DHRS4L2: variants seen among roughly 807,000 people sequenced by gnomAD.
The protein encoded by DHRS4L2 is dehydrogenase/reductase 4 like 2, also known as dehydrogenase/reductase SDR family member 4-like 2.
Under a neutral mutation model 23.9 loss-of-function variants are expected in DHRS4L2, and 22 were observed. The observed-to-expected ratio is 0.92, with a 90% CI of 0.66 to 1.31. The LOEUF is 1.31. Ranked by LOEUF, DHRS4L2 falls within the 40% of genes most tolerant of loss-of-function variation. The pLI, the probability that DHRS4L2 is intolerant of heterozygous loss-of-function variation, is 0.00. For synonymous variants in DHRS4L2, 141 were observed against 123.7 expected (o/e 1.14, Z -0.93); for missense variants, 385 against 303.3 (o/e 1.27, Z -2.00).
At chr14:23,987,588 C>G (rs1255499520), upstream of DHRS4L2, among the ~76,000 whole-genome samples, 1 of 151,712 alleles carries the variant, frequency 6.6e-6, no homozygotes, top group Non-Finnish European at 1.5e-5. Flanking sequence ...GGCTGCCAAA[C>G]TGGTGATTTC....
chr14:23,998,783 GC>G (rs1214693449), intron 3 of DHRS4L2, among the ~76,000 whole-genome samples: 2 of 149,338 alleles, frequency 1.3e-5, no homozygotes, highest in African/African-American at 4.9e-5. Flanking sequence ...AACCTCTTTT[GC>G]TTTCTTATCA....
At chr14:24,000,027 T>A (rs2034456725) in intron 3 of DHRS4L2, among the ~76,000 whole-genome samples, 1 of 140,354 alleles carries the variant, frequency 7.1e-6, no homozygotes, top group East Asian at 2.0e-4. Flanking sequence ...TACATTTTTT[T>A]ATTTTTGTTC....
chr14:23,982,005 G>C (rs551406548), intron 1 of DHRS4L2, among the ~76,000 whole-genome samples: 3 of 151,698 alleles, frequency 2.0e-5, no homozygotes, highest in South Asian at 2.1e-4. Flanking sequence ...GGAGACAGTG[G>C]CCTTCCTCTA....
At chr14:23,999,330 G>A (rs1214955641) in intron 3 of DHRS4L2, among the ~76,000 whole-genome samples, 2 of 98,980 alleles carry the variant, frequency 2.0e-5, no homozygotes, top group East Asian at 3.0e-4. Flanking sequence ...GGGTTGCCAC[G>A]AAACTCCAAT....
intron 1 of DHRS4L2, among the ~76,000 whole-genome samples, chr14:23,975,018 C>T (rs1463150340): frequency 2.6e-5 from 4 of 151,702 alleles, no homozygotes; most frequent in Non-Finnish European, 2.9e-5. Flanking sequence ...ACTGGCAAAC[C>T]GAATCCAGCA....
chr14:23,977,681 T>C (rs886177685), intron 1 of DHRS4L2, among the ~76,000 whole-genome samples: 11 of 151,754 alleles, frequency 7.2e-5, no homozygotes, highest in African/African-American at 2.4e-4. Flanking sequence ...ACTAGCTTTC[T>C]TATTTTTCTT....
intron 1 of DHRS4L2, among the ~76,000 whole-genome samples, chr14:23,976,884 CATAAGT>C: frequency 6.6e-6 from 1 of 151,822 alleles, no homozygotes; most frequent in South Asian, 2.1e-4. Context: ...TCTTCTCACT[CATAAGT>C]GGAAGTGGAA....
At chr14:23,986,596 G>T (rs1205869407), upstream of DHRS4L2, among the ~76,000 whole-genome samples, 1 of 151,430 alleles carries the variant, frequency 6.6e-6, no homozygotes, top group Non-Finnish European at 1.5e-5. Context: ...GCCATGTGTT[G>T]TTCACCAAGC....
chr14:23,975,295 CAG>C (rs2033945152), intron 1 of DHRS4L2, among the ~76,000 whole-genome samples: 2 of 151,410 alleles, frequency 1.3e-5, no homozygotes, highest in Non-Finnish European at 2.9e-5. Context: ...AAATAATAGA[CAG>C]AGAGCCAAAT....
chr14:23,971,851 C>T (rs1420097840), intron 1 of DHRS4L2, among the ~76,000 whole-genome samples: 7 of 152,130 alleles, frequency 4.6e-5, no homozygotes, highest in Admixed American at 2.6e-4. Context: ...TGGAAAGGAA[C>T]AACGGGTACC....
rs1301354519 is a variant in DHRS4L2 at position 24,004,229 on chromosome 14, A to C, written c.666-108A>C. On this transcript the variant is annotated intron_variant, in intron 6 of 7. Coordinates refer to ENST00000335125, the MANE Select transcript of DHRS4L2 (RefSeq NM_198083.4). ...GTTTGCAGTGAGCCAAGATAGCGCC[A>C]CTACAGTCCGGCCTGGGCAAAAGAG... The C allele has an allele frequency of 1.3e-4, 173 of 1,377,488 alleles. 4 individuals carry two copies. In the East Asian group the frequency reaches 4.0e-3, roughly 32 times the overall value. The allele number at this position is 1,377,488 out of a possible 1,614,324, so 85.3% of individuals were successfully genotyped here.
chr14:23,983,636 G>A (rs2034090530), intron 1 of DHRS4L2, among the ~76,000 whole-genome samples: 1 of 151,678 alleles, frequency 6.6e-6, no homozygotes. Flanking sequence ...CAACCCAAAT[G>A]CCCATCAATG....
chr14:23,970,000 C>A (rs141737044), exon 1 of DHRS4L2: 3 of 454,410 alleles, frequency 6.6e-6, no homozygotes, highest in Admixed American at 4.7e-5. Context: ...CCTCACCGCC[C>A]GGGCTTTACT....
At position 24,004,400 on chromosome 14, in the gene DHRS4L2, G is replaced by T. The variant is rs1435086053; in HGVS notation, c.*22+8G>T. ...AACCCTGCGGATAAGAAGGTAAACTGTCATGAGGGCAAGGGCACTAAGAGA... is the reference window on the plus strand; with the variant it reads ...AACCCTGCGGATAAGAAGGTAAACTTTCATGAGGGCAAGGGCACTAAGAGA... On this transcript the variant is annotated splice_region_variant and intron_variant, in intron 7 of 7. Coordinates refer to ENST00000335125, the MANE Select transcript of DHRS4L2 (RefSeq NM_198083.4). 9 of 1,598,712 alleles carry T rather than the reference G, an allele frequency of 5.6e-6. No homozygotes were observed. In the Admixed American group the frequency reaches 6.8e-5, roughly 12 times the overall value.
rs1380616981 is a variant in DHRS4L2, at chr14:24,001,156, A to G, written c.531+72A>G. 6.7e-5 allele frequency: 107 copies of G among 1,608,808 alleles called. 1 individual carries two copies. Among genetic ancestry groups the G allele is most frequent in the Non-Finnish European group, 8.8e-5 (104 of 1,178,674 alleles). On this transcript the variant is annotated intron_variant, in intron 5 of 7. Transcript: ENST00000335125. ...ATCTTTCCACCCCTCCTATTACCCA[A>G]AGAAGTTTGTGTCCCCTTGTAGAAT...
At chr14:23,981,415 G>C (rs1175690762) in intron 1 of DHRS4L2, among the ~76,000 whole-genome samples, 1 of 151,568 alleles carries the variant, frequency 6.6e-6, no homozygotes, top group Non-Finnish European at 1.5e-5. Context: ...TCCCCATCAA[G>C]CTACTAATGA....
At chr14:23,992,572 A>T (rs1309159322) in intron 2 of DHRS4L2, among the ~76,000 whole-genome samples, 12 of 151,264 alleles carry the variant, frequency 7.9e-5, no homozygotes, top group Admixed American at 7.9e-4. Flanking sequence ...GTAGCTGCCT[A>T]TCTGCTTGAT....
intron 3 of DHRS4L2, among the ~76,000 whole-genome samples, chr14:23,996,375 C>G (rs545630666): frequency 6.6e-6 from 1 of 151,470 alleles, no homozygotes; most frequent in Non-Finnish European, 1.5e-5. Context: ...ACATAAAGAC[C>G]AAACTGCCAA....
chr14:23,993,338 A>G (rs1285703044), intron 2 of DHRS4L2, among the ~76,000 whole-genome samples: 1 of 151,734 alleles, frequency 6.6e-6, no homozygotes, highest in Non-Finnish European at 1.5e-5. Flanking sequence ...TGTTAGATTA[A>G]CACGTTGACA....
Sources: allele counts gnomAD v4.1 joint callset (sites outside exome capture counted in the v4.1 genomes callset), GRCh38; gene constraint gnomAD v4.1.1; transcripts MANE v1.5; gene names NCBI Gene and HGNC (gene_info 2026-07-23, HGNC 2026-07-21).